Variants in DPYD observed in about 807,000 individuals in gnomAD.
The protein encoded by DPYD is dihydropyrimidine dehydrogenase [NADP(+)].
In DPYD, 109 loss-of-function variants were observed where a neutral mutation model predicts 116.2. That is an observed-to-expected ratio of 0.94 (90% CI 0.80 to 1.10). The LOEUF (loss-of-function observed/expected upper bound fraction) is 1.10. Ranked by LOEUF, DPYD falls within the 50% of genes least tolerant of loss-of-function variation. The probability of loss-of-function intolerance (pLI) is 0.00; values close to 1 mark genes in which losing one functional copy is unlikely to be tolerated. For missense variants in DPYD, 1,302 were observed against 1,254.5 expected (o/e 1.04, Z -0.57); for synonymous variants, 440 against 432.0 (o/e 1.02, Z -0.23).
At chr1:97,276,289 C>T (rs1664922863) in intron 18 of DPYD, among the ~76,000 whole-genome samples, 1 of 151,988 alleles carries the variant, frequency 6.6e-6, no homozygotes, top group Non-Finnish European at 1.5e-5. Context: ...GCAACAACAA[C>T]AAAAATTGAC....
At chr1:97,654,574 A>T (rs1220258514) in intron 8 of DPYD, among the ~76,000 whole-genome samples, 1 of 152,160 alleles carries the variant, frequency 6.6e-6, no homozygotes, top group Non-Finnish European at 1.5e-5. Flanking sequence ...TTCTGTATAG[A>T]ATCTCCAATA....
In DPYD at chr1:97,556,903, C is replaced by T. The variant is rs1174344080; in HGVS notation, c.1340-7159G>A. Among the ~76,000 whole-genome samples the T allele has an allele frequency of 4.8e-4, 72 of 150,130 alleles. No homozygotes were observed. The South Asian group carries it at 0.014, about 30-fold the overall frequency. On this transcript the variant is annotated intron_variant, in intron 11 of 22. Transcript: ENST00000370192. ...GGATGGCTGGGTCAAATGGTATTTC[C>T]AGTTCTAGATCCCTGAGGAATTGCC... is the stretch of plus-strand genomic sequence containing the variant.
At chr1:97,909,849 T>C (rs909032140) in intron 1 of DPYD, among the ~76,000 whole-genome samples, 6 of 152,124 alleles carry the variant, frequency 3.9e-5, no homozygotes, top group African/African-American at 1.4e-4. Flanking sequence ...CATCCAAAAG[T>C]TTACTTTCAG....
chr1:97,274,752 ACAGGAAGTTGCTC>A (rs1664828855), intron 18 of DPYD, among the ~76,000 whole-genome samples: 1 of 152,174 alleles, frequency 6.6e-6, no homozygotes, highest in Non-Finnish European at 1.5e-5. Context: ...GTTCTATTAC[ACAGGAAGTTGCTC>A]CAGGTTGTCA....
intron 20 of DPYD, among the ~76,000 whole-genome samples, chr1:97,113,507 C>A (rs1207822230): frequency 6.6e-6 from 1 of 151,998 alleles, no homozygotes; most frequent in Non-Finnish European, 1.5e-5. Context: ...GGCCCAATAC[C>A]CCATTAGTTA....
At chr1:97,572,775 C>T (rs1165610539) in intron 11 of DPYD, among the ~76,000 whole-genome samples, 1 of 152,008 alleles carries the variant, frequency 6.6e-6, no homozygotes, top group Non-Finnish European at 1.5e-5. Context: ...GATGTTTCCA[C>T]ATACCAAGAT....
At chr1:97,615,248 G>A (rs1656193577) in intron 8 of DPYD, among the ~76,000 whole-genome samples, 1 of 152,124 alleles carries the variant, frequency 6.6e-6, no homozygotes, top group Non-Finnish European at 1.5e-5. Flanking sequence ...TCCAAAATGC[G>A]ATTCTTCATT....
intron 8 of DPYD, among the ~76,000 whole-genome samples, chr1:97,615,280 A>G (rs1469117777): frequency 6.6e-6 from 1 of 152,114 alleles, no homozygotes; most frequent in East Asian, 1.9e-4. Flanking sequence ...ATGTTCTATT[A>G]TTCACACTTT....
intron 18 of DPYD, among the ~76,000 whole-genome samples, chr1:97,298,915 C>T (rs1384851015): frequency 1.3e-5 from 2 of 152,100 alleles, no homozygotes; most frequent in East Asian, 3.9e-4. Context: ...AAATTCACAG[C>T]TCACTGCTTG....
At chr1:97,813,979 T>C (rs1438184670) in intron 3 of DPYD, among the ~76,000 whole-genome samples, 1 of 149,874 alleles carries the variant, frequency 6.7e-6, no homozygotes, top group Non-Finnish European at 1.5e-5. Context: ...TGAGAGGTAA[T>C]GAGTTCTGCA....
At chr1:97,689,582 C>T (rs1015792932) in intron 7 of DPYD, among the ~76,000 whole-genome samples, 5 of 152,004 alleles carry the variant, frequency 3.3e-5, no homozygotes, top group Non-Finnish European at 7.4e-5. Flanking sequence ...ATATGCTACA[C>T]GGGAGTCAAA....
At position 97,680,997 on chromosome 1, in the gene DPYD, T is replaced by C. The variant is rs150802148; in HGVS notation, c.763-1815A>G. Among the ~76,000 whole-genome samples the C allele has an allele frequency of 1.1e-4, 16 of 152,236 alleles. No homozygotes were observed. The East Asian group carries it at 3.1e-3, about 29-fold the overall frequency. ...AAAACAAAGCCCTTAAGCTGAGTCA[T>C]AGAAGAAGAGCAATGTATACCCATG... On this transcript the variant is annotated intron_variant, in intron 7 of 22. Coordinates refer to ENST00000370192, the MANE Select transcript of DPYD (RefSeq NM_000110.4).
intron 8 of DPYD, among the ~76,000 whole-genome samples, chr1:97,628,025 A>C (rs777078558): frequency 1.3e-5 from 2 of 151,990 alleles, no homozygotes; most frequent in Non-Finnish European, 2.9e-5. Context: ...GATAGTAGGA[A>C]TGAAAGGGCA....
intron 18 of DPYD, among the ~76,000 whole-genome samples, chr1:97,244,957 C>A (rs1241122369): frequency 2.6e-5 from 4 of 151,976 alleles, no homozygotes; most frequent in Admixed American, 2.6e-4. Context: ...GTCTTGGTTG[C>A]GAGTGGTAAA....
chr1:97,166,506 G>A (rs1457561784), intron 20 of DPYD, among the ~76,000 whole-genome samples: 2 of 151,876 alleles, frequency 1.3e-5, no homozygotes, highest in Admixed American at 1.3e-4. Flanking sequence ...TGTAAAAGGG[G>A]CCCCCATGAC....
chr1:97,790,427 G>A lies in DPYD; in HGVS notation c.233+37687C>T, dbSNP rs114513542. On this transcript the variant is annotated intron_variant, in intron 3 of 22. Coordinates refer to ENST00000370192, the MANE Select transcript of DPYD (RefSeq NM_000110.4). ...AGCCCAGAAGGATTCTACACCAGACGACCCTAGAGAGAACTGATTTTCTAC... is the reference window on the plus strand; with the variant it reads ...AGCCCAGAAGGATTCTACACCAGACAACCCTAGAGAGAACTGATTTTCTAC... 8.9e-4 allele frequency among the ~76,000 whole-genome samples: 136 copies of A among 152,202 alleles called. 1 individual carries two copies. Among genetic ancestry groups the A allele is most frequent in the Middle Eastern group, 3.4e-3 (1 of 294 alleles).
intron 15 of DPYD, among the ~76,000 whole-genome samples, chr1:97,375,512 T>G (rs1027301711): frequency 4.6e-5 from 7 of 152,234 alleles, no homozygotes; most frequent in Non-Finnish European, 1.0e-4. Flanking sequence ...TTTGCTTTCC[T>G]AATCCGATTT....
chr1:97,715,958 C>A (rs897544983), intron 5 of DPYD, among the ~76,000 whole-genome samples: 4 of 152,118 alleles, frequency 2.6e-5, no homozygotes, highest in African/African-American at 9.6e-5. Flanking sequence ...ACTGCCATAA[C>A]CAAGGTGAAG....
At chr1:97,331,332 G>T (rs1188532923) in intron 16 of DPYD, among the ~76,000 whole-genome samples, 1 of 152,092 alleles carries the variant, frequency 6.6e-6, no homozygotes, top group Admixed American at 6.6e-5. Context: ...TAAAAAGTTA[G>T]TCAGGCGTGG....
Sources: gnomAD v4.1 joint callset for allele counts (sites outside exome capture counted in the v4.1 genomes callset) on GRCh38, gnomAD v4.1.1 for gene constraint, MANE v1.5 for transcripts, NCBI Gene and HGNC (gene_info 2026-07-23, HGNC 2026-07-21) for gene names.